Variants in IFNLR1 observed in about 807,000 individuals in gnomAD.
The protein encoded by IFNLR1 is interferon lambda receptor 1.
In IFNLR1, 28 loss-of-function variants were observed where a neutral mutation model predicts 52.5. The observed-to-expected ratio is 0.53, with a 90% confidence interval of 0.40 to 0.73. The LOEUF (loss-of-function observed/expected upper bound fraction) is 0.73. Among genes scored for constraint, IFNLR1 ranks in the 30% least tolerant of loss-of-function variants. The pLI, the probability that IFNLR1 is intolerant of heterozygous loss-of-function variation, is 0.00. For missense variants in IFNLR1, 623 were observed against 659.1 expected, an observed-to-expected ratio of 0.95 and a Z score of 0.60; for synonymous variants, 276 against 274.9, an observed-to-expected ratio of 1.00 and a Z score of -0.04.
chr1:24,170,868 C>T (rs72650403), intron 2 of IFNLR1, among the ~76,000 whole-genome samples: 26,283 of 152,082 alleles, frequency 0.17, 2,922 homozygotes, highest in East Asian at 0.41. Context: ...GGGGAGTGAC[C>T]AAGGATGAAT....
chr1:24,180,581 CT>C, intron 2 of IFNLR1, 149 bp downstream of exon 2: 1 of 719,834 alleles, frequency 1.4e-6, no homozygotes, highest in South Asian at 1.9e-5. Flanking sequence ...AAAAGCCCCT[CT>C]CCAAATGCCG....
Position 24,187,218 on chromosome 1 carries a change from G to T in IFNLR1, c.31C>A (p.Leu11Ile). The T allele has an allele frequency of 7.7e-7, 1 of 1,300,418 alleles. No individual in the cohort carries two copies. The highest frequency in any genetic ancestry group is 9.8e-7 in the Non-Finnish European group (1 of 1,024,016). The allele number at this position is 1,300,418 out of a possible 1,614,324, so 80.6% of individuals were successfully genotyped here. Residue 11 changes from leucine (L) to isoleucine (I), a missense_variant, in exon 1 of 7, where the codon CTC becomes ATC. Leu to Ile is a conservative substitution (Grantham distance 5). Transcript: ENST00000327535. Reference protein sequence around the residue: MAGPERWGPLLLCLLQAAPGR... With the variant: MAGPERWGPLILCLLQAAPGR... ...GGAGCGGCCTGCAGCAGGCACAGGA[G>T]CAGGGGGCCCCAGCGCTCGGGCCCC...
At position 24,187,210 on chromosome 1, in the gene IFNLR1, G is replaced by A. The variant is rs1407011207; in HGVS notation, c.39C>T (p.Cys13=). ...CCTTACCTGGAGCGGCCTGCAGCAG[G>A]CACAGGAGCAGGGGGCCCCAGCGCT... The part of the protein sequence containing the change: ...GPERWGPLLL[C]LLQAAPGRPR... Residue 13 remains cysteine (C), a synonymous_variant, in exon 1 of 7, where the codon TGC becomes TGT. Transcript: ENST00000327535. 7.6e-7 allele frequency: 1 copy of A among 1,321,354 alleles called. No individual in the cohort carries two copies. 81.9% of individuals were successfully genotyped at this position (1,321,354 alleles called of 1,614,324 possible). A position where few individuals can be genotyped will look rare whatever the true frequency, so the allele number is the denominator to read the frequency against.
At chr1:24,169,064 G>GT (rs1325470381) in intron 3 of IFNLR1, among the ~76,000 whole-genome samples, 1 of 150,266 alleles carries the variant, frequency 6.7e-6, no homozygotes. Context: ...TTTAAACATT[G>GT]TTTTTAAGGA....
chr1:24,159,955 C>A (rs2148586822), intron 4 of IFNLR1, among the ~76,000 whole-genome samples: 1 of 152,134 alleles, frequency 6.6e-6, no homozygotes, highest in Non-Finnish European at 1.5e-5. Flanking sequence ...TTGCTGTTGC[C>A]CAGGCTGGTC....
chr1:24,173,127 C>A (rs1236702441), intron 2 of IFNLR1, among the ~76,000 whole-genome samples: 305 of 106,502 alleles, frequency 2.9e-3, no homozygotes, highest in South Asian at 3.6e-3. Flanking sequence ...TTTTCTCTTC[C>A]AAAAAAAAAA....
intron 1 of IFNLR1, among the ~76,000 whole-genome samples, chr1:24,182,677 T>C (rs1644702567): frequency 6.6e-6 from 1 of 152,000 alleles, no homozygotes; most frequent in Non-Finnish European, 1.5e-5. Flanking sequence ...ATCCCAGTAC[T>C]TTGGGAGGCT....
rs1284105235 is a variant in IFNLR1 at position 24,162,783 on chromosome 1, TTTC to T, written c.368-1102_368-1100del. 3.9e-3 allele frequency among the ~76,000 whole-genome samples: 305 copies of T among 77,312 alleles called. 11 individuals are homozygous for T. Among genetic ancestry groups the T allele is most frequent in the South Asian group, 7.2e-3 (17 of 2,356 alleles). 50.7% of individuals were successfully genotyped at this position (77,312 alleles called of 152,430 possible). A position where few individuals can be genotyped will look rare whatever the true frequency, so the allele number is the denominator to read the frequency against. On this transcript the variant is annotated intron_variant, in intron 3 of 6. Coordinates refer to ENST00000327535, the MANE Select transcript of IFNLR1 (RefSeq NM_170743.4). Reference sequence around the variant, plus strand: ...TTCTTTCTTTCTTTCTTTCTTTTTCTTTCTTTTTCTTTCTTTCTTTTTTCTTTC... The same window carrying T: ...TTCTTTCTTTCTTTCTTTCTTTTTCTTTTTTCTTTCTTTCTTTTTTCTTTC...
chr1:24,182,412 A>G (rs1406360826), intron 1 of IFNLR1, among the ~76,000 whole-genome samples: 1 of 152,176 alleles, frequency 6.6e-6, no homozygotes, highest in Non-Finnish European at 1.5e-5. Context: ...TGACACCTAT[A>G]TTCATTATTT....
intron 3 of IFNLR1, among the ~76,000 whole-genome samples, chr1:24,167,606 A>G (rs1644532545): frequency 6.6e-6 from 1 of 151,934 alleles, no homozygotes; most frequent in African/African-American, 2.4e-5. Context: ...GCTGGTCTTG[A>G]ACTCCTGATC....
chr1:24,186,761 A>C (rs771425300), intron 1 of IFNLR1, among the ~76,000 whole-genome samples: 8 of 152,198 alleles, frequency 5.3e-5, no homozygotes, highest in Non-Finnish European at 8.8e-5. Context: ...AGGCGACCAG[A>C]GCTCCGTCCC....
intron 3 of IFNLR1, among the ~76,000 whole-genome samples, chr1:24,166,203 A>T (rs61772885): frequency 5.7e-4 from 34 of 59,718 alleles, no homozygotes; most frequent in East Asian, 1.1e-3. Context: ...CCATCCATCC[A>T]TCCTTCCTTC....
At chr1:24,168,177 C>T (rs1644538843) in intron 3 of IFNLR1, among the ~76,000 whole-genome samples, 1 of 151,976 alleles carries the variant, frequency 6.6e-6, no homozygotes, top group Admixed American at 6.6e-5. Flanking sequence ...CCATCCCCTC[C>T]ATCCTCCCTT....
chr1:24,186,997 G>C (rs938858911), intron 1 of IFNLR1, among the ~76,000 whole-genome samples, 194 bp downstream of exon 1: 4 of 152,238 alleles, frequency 2.6e-5, no homozygotes, highest in African/African-American at 7.2e-5. Flanking sequence ...TCCTGCGGGA[G>C]AGGAATATCA....
intron 2 of IFNLR1, among the ~76,000 whole-genome samples, chr1:24,178,836 A>C (rs1396866454): frequency 2.0e-5 from 3 of 152,238 alleles, no homozygotes; most frequent in Non-Finnish European, 4.4e-5. Context: ...ATGAGAGGAT[A>C]CATCTCTTTA....
At position 24,156,808 on chromosome 1, in the gene IFNLR1, T is replaced by A. The variant is rs955958815; in HGVS notation, c.*322A>T. ...TCCGCAGTGACCTGACCTCACCTGTTTCATGTTGTCCGGGGATAATTTTTC... is the reference window on the plus strand; with the variant it reads ...TCCGCAGTGACCTGACCTCACCTGTATCATGTTGTCCGGGGATAATTTTTC... On this transcript the variant is annotated 3_prime_UTR_variant, in exon 7 of 7. Coordinates refer to ENST00000327535, the MANE Select transcript of IFNLR1 (RefSeq NM_170743.4). 4 of 350,508 alleles carry A rather than the reference T, an allele frequency of 1.1e-5. No homozygotes were observed. In the Admixed American group the frequency reaches 1.8e-4, roughly 16 times the overall value. The allele number at this position is 350,508 out of a possible 1,614,324, so 21.7% of individuals were successfully genotyped here.
At position 24,154,609 on chromosome 1, in the gene IFNLR1, A is replaced by G. The variant is rs1644360283; in HGVS notation, c.*2521T>C. The G allele has an allele frequency of 6.6e-6, 1 of 152,232 alleles. No homozygotes were observed. Among genetic ancestry groups the G allele is most frequent in the African/African-American group, 2.4e-5 (1 of 41,458 alleles). 9.4% of individuals were successfully genotyped at this position (152,232 alleles called of 1,614,324 possible). A position where few individuals can be genotyped will look rare whatever the true frequency, so the allele number is the denominator to read the frequency against. ...ACTCTGGAAAAAATTCTTTAAAAAA[A>G]TAGTAAGGTTTGGCTGGGCGCGGTG... On this transcript the variant is annotated 3_prime_UTR_variant, in exon 7 of 7. Transcript: ENST00000327535.
At chr1:24,184,926 C>T (rs1300051606) in intron 1 of IFNLR1, among the ~76,000 whole-genome samples, 3 of 151,978 alleles carry the variant, frequency 2.0e-5, no homozygotes, top group African/African-American at 4.8e-5. Context: ...GGCTGAGACA[C>T]GAGAATTGCT....
chr1:24,181,973 C>T (rs1291517850), intron 1 of IFNLR1, among the ~76,000 whole-genome samples: 1 of 152,112 alleles, frequency 6.6e-6, no homozygotes, highest in East Asian at 1.9e-4. Flanking sequence ...TCAAGGTGGG[C>T]AGATCACCTG....
Sources: gnomAD v4.1 joint callset for allele counts (sites outside exome capture counted in the v4.1 genomes callset) on GRCh38, gnomAD v4.1.1 for gene constraint, MANE v1.5 for transcripts, NCBI Gene and HGNC (gene_info 2026-07-23, HGNC 2026-07-21) for gene names.